The following TMEM132B variants were observed in gnomAD, a reference collection of about 807,000 sequenced individuals.
TMEM132B encodes transmembrane protein 132B.
TMEM132B carries 18 observed loss-of-function variants against 90.8 expected under a neutral mutation model. That is an observed-to-expected ratio of 0.20 (90% CI 0.14 to 0.29). The LOEUF is 0.29. TMEM132B is among the 10% of genes least tolerant of loss of function. TMEM132B has a pLI of 1.00. For synonymous variants in TMEM132B, 504 were observed against 523.3 expected, an observed-to-expected ratio of 0.96 and a Z score of 0.50; for missense variants, 1,096 against 1,326.8, an observed-to-expected ratio of 0.83 and a Z score of 2.70.
At chr12:125,609,992 G>C in intron 5 of TMEM132B, among the ~76,000 whole-genome samples, 1 of 148,290 alleles carries the variant, frequency 6.7e-6, no homozygotes, top group African/African-American at 2.5e-5. Context: ...TTCTCTTTTC[G>C]TGCTTTTGTA....
intron 3 of TMEM132B, among the ~76,000 whole-genome samples, chr12:125,517,326 GATTTTTTTTTTTTTTTTT>G (rs1470067958): frequency 0.17 from 14,591 of 87,890 alleles, 2,988 homozygotes; most frequent in East Asian, 0.42. Context: ...ATGCCCTGCT[GATTTTTTTTTTTTTTTTT>G]TTTTTTTTTT....
chr12:125,515,251 C>T (rs542026427), intron 3 of TMEM132B, among the ~76,000 whole-genome samples: 4 of 116,096 alleles, frequency 3.4e-5, no homozygotes, highest in African/African-American at 1.1e-4. Context: ...CATTCTCACA[C>T]ACACACATTC....
At chr12:125,229,626 C>G (rs1873769612) in intron 1 of TMEM132B, among the ~76,000 whole-genome samples, 1 of 152,204 alleles carries the variant, frequency 6.6e-6, no homozygotes, top group Admixed American at 6.5e-5. Flanking sequence ...TTTATTGACT[C>G]AGCACTGAAA....
chr12:125,187,444 A>G (rs1159017562), intron 1 of TMEM132B, among the ~76,000 whole-genome samples: 2 of 150,836 alleles, frequency 1.3e-5, no homozygotes, highest in Admixed American at 1.3e-4. Context: ...CCTCTTGGCC[A>G]AAGAGCAGCC....
intron 2 of TMEM132B, among the ~76,000 whole-genome samples, chr12:125,412,102 C>G (rs1288549304): frequency 1.2e-4 from 19 of 152,164 alleles, no homozygotes; most frequent in Admixed American, 5.9e-4. Flanking sequence ...TCTGAGGAAG[C>G]GTTTGCCCAC....
intron 4 of TMEM132B, among the ~76,000 whole-genome samples, chr12:125,521,451 T>G (rs849347): frequency 0.31 from 47,587 of 152,134 alleles, 9,008 homozygotes; most frequent in East Asian, 0.59. Flanking sequence ...GCTCACTATT[T>G]TCAGAGTCTG....
At chr12:125,467,051 T>C (rs1593160505) in intron 3 of TMEM132B, among the ~76,000 whole-genome samples, 1 of 152,270 alleles carries the variant, frequency 6.6e-6, no homozygotes, top group East Asian at 1.9e-4. Flanking sequence ...GGGCATATGG[T>C]CCAACTGCCA....
rs576142231 is a variant in TMEM132B at position 125,395,947 on chromosome 12, G to T, written c.960-19584G>T. 7.9e-5 allele frequency among the ~76,000 whole-genome samples: 12 copies of T among 152,326 alleles called. No homozygotes were observed. In the East Asian group the frequency reaches 1.5e-3, roughly 20 times the overall value. ...CAAATCCTGAGTCACATGTCTACTT[G>T]TGAGCCAATCAACTGTGGCCAGGGA... On this transcript the variant is annotated intron_variant, in intron 2 of 8. Coordinates refer to ENST00000682704, the MANE Select transcript of TMEM132B (RefSeq NM_001366854.1).
chr12:125,530,221 G>A (rs1359220293), intron 4 of TMEM132B, among the ~76,000 whole-genome samples: 1 of 149,976 alleles, frequency 6.7e-6, no homozygotes, highest in Non-Finnish European at 1.5e-5. Context: ...TTCTGCAGTA[G>A]GTTATTCCAT....
chr12:125,189,555 C>T (rs921127600), intron 1 of TMEM132B, among the ~76,000 whole-genome samples: 2 of 152,078 alleles, frequency 1.3e-5, no homozygotes, highest in African/African-American at 4.8e-5. Context: ...GTGGCGCTGC[C>T]CTTCAGAGAG....
chr12:125,474,274 C>T (rs1395929093), intron 3 of TMEM132B, among the ~76,000 whole-genome samples: 1 of 127,200 alleles, frequency 7.9e-6, no homozygotes, highest in Non-Finnish European at 1.6e-5. Flanking sequence ...TCCCCTCCCT[C>T]CCCTCCCCTC....
chr12:125,636,645 G>A (rs1886487930), intron 5 of TMEM132B, among the ~76,000 whole-genome samples: 1 of 152,132 alleles, frequency 6.6e-6, no homozygotes, highest in African/African-American at 2.4e-5. Context: ...CTTCCCTTTA[G>A]ATGCAATGAG....
intron 1 of TMEM132B, among the ~76,000 whole-genome samples, chr12:125,271,064 C>G (rs1874826327): frequency 6.6e-6 from 1 of 151,968 alleles, no homozygotes; most frequent in South Asian, 2.1e-4. Flanking sequence ...GATCCTCCCA[C>G]CTCACCCTCC....
intron 2 of TMEM132B, among the ~76,000 whole-genome samples, chr12:125,401,726 G>A (rs956328730): frequency 6.6e-6 from 1 of 152,190 alleles, no homozygotes; most frequent in Non-Finnish European, 1.5e-5. Flanking sequence ...AGAAGGGTGT[G>A]ATGGAGAAAT....
chr12:125,572,328 T>A (rs775656680), intron 4 of TMEM132B, among the ~76,000 whole-genome samples: 4 of 152,224 alleles, frequency 2.6e-5, no homozygotes, highest in Admixed American at 6.5e-5. Flanking sequence ...ATTAGGGCTC[T>A]GCCCTCATGG....
At chr12:125,589,413 C>T (rs112728070) in intron 5 of TMEM132B, among the ~76,000 whole-genome samples, 12,987 of 143,280 alleles carry the variant, frequency 0.091, 1,010 homozygotes, top group African/African-American at 0.22. Context: ...ACCCGGGACG[C>T]GGAGCTTGCA....
intron 1 of TMEM132B, among the ~76,000 whole-genome samples, chr12:125,237,411 C>T (rs1873961405): frequency 6.6e-6 from 1 of 152,162 alleles, no homozygotes; most frequent in Admixed American, 6.5e-5. Flanking sequence ...TCATTTCCTT[C>T]CTAGATGTGA....
chr12:125,601,207 A>G (rs1210953545), intron 5 of TMEM132B, among the ~76,000 whole-genome samples: 1 of 152,218 alleles, frequency 6.6e-6, no homozygotes, highest in African/African-American at 2.4e-5. Context: ...AATCAGCCAC[A>G]TAATTGGAAG....
At chr12:125,381,694 A>ATGTATGTG (rs1170779140) in intron 2 of TMEM132B, among the ~76,000 whole-genome samples, 2 of 151,968 alleles carry the variant, frequency 1.3e-5, no homozygotes, top group African/African-American at 2.4e-5. Context: ...GTGTGAATGT[A>ATGTATGTG]TGTATGTGTG....
Sources: allele counts gnomAD v4.1 joint callset (sites outside exome capture counted in the v4.1 genomes callset), GRCh38; gene constraint gnomAD v4.1.1; transcripts MANE v1.5; gene names NCBI Gene and HGNC (gene_info 2026-07-23, HGNC 2026-07-21).